Variants in TLL2 observed in about 807,000 individuals in gnomAD.
TLL2 encodes the protein tolloid like 2, also known as tolloid-like protein 2.
TLL2 carries 106 observed loss-of-function variants against 123.0 expected under a neutral mutation model. That is an observed-to-expected ratio of 0.86 (90% CI 0.74 to 1.01). TLL2 has a LOEUF of 1.01. Ranked by LOEUF, TLL2 falls within the 50% of genes least tolerant of loss-of-function variation. The pLI, the probability that TLL2 is intolerant of heterozygous loss-of-function variation, is 0.00. For synonymous variants in TLL2, 494 were observed against 516.8 expected (o/e 0.96, Z 0.60); for missense variants, 1,332 against 1,336.7 (o/e 1.00, Z 0.06).
At chr10:96,397,852 C>T (rs1846356635) in intron 10 of TLL2, among the ~76,000 whole-genome samples, 1 of 152,156 alleles carries the variant, frequency 6.6e-6, no homozygotes, top group African/African-American at 2.4e-5. Context: ...TAGGAGGGTT[C>T]CTAGGATGGA....
chr10:96,401,776 C>G (rs552306705), intron 10 of TLL2, among the ~76,000 whole-genome samples: 2 of 152,350 alleles, frequency 1.3e-5, no homozygotes, highest in Admixed American at 6.5e-5. Context: ...CTCTGGGGAA[C>G]TTCAGTAACA....
intron 1 of TLL2, among the ~76,000 whole-genome samples, chr10:96,489,693 T>G (rs980231027): frequency 3.3e-5 from 5 of 152,258 alleles, no homozygotes; most frequent in African/African-American, 1.2e-4. Context: ...AATTGCCACA[T>G]GTGGCTAGCT....
chr10:96,485,833 T>C (rs891994575), intron 1 of TLL2, among the ~76,000 whole-genome samples: 1 of 152,192 alleles, frequency 6.6e-6, no homozygotes, highest in African/African-American at 2.4e-5. Context: ...GGTTTCCCAC[T>C]TCCCTGAAGA....
At chr10:96,476,274 G>A (rs1463658545) in intron 2 of TLL2, among the ~76,000 whole-genome samples, 8 of 78,802 alleles carry the variant, frequency 1.0e-4, no homozygotes, top group Middle Eastern at 6.3e-3. Context: ...TTGTTGAGAC[G>A]GAGTCTCACT....
intron 1 of TLL2, among the ~76,000 whole-genome samples, chr10:96,481,293 T>C (rs1847309701): frequency 6.6e-6 from 1 of 152,068 alleles, no homozygotes; most frequent in Admixed American, 6.5e-5. Flanking sequence ...ACTCCAGGCA[T>C]GTGACACCAC....
intron 2 of TLL2, among the ~76,000 whole-genome samples, chr10:96,452,744 G>A (rs537451136): frequency 9.3e-4 from 142 of 152,304 alleles, no homozygotes; most frequent in African/African-American, 3.3e-3. Context: ...AAGCATCCCG[G>A]GGAAGGGCAA....
intron 1 of TLL2, among the ~76,000 whole-genome samples, chr10:96,502,161 G>A (rs1847539873): frequency 6.6e-6 from 1 of 152,120 alleles, no homozygotes. Flanking sequence ...ACATTTCCAG[G>A]CAGGAAGAAG....
At chr10:96,397,069 C>A in intron 11 of TLL2, 117 bp downstream of exon 11, 1 of 872,100 alleles carries the variant, frequency 1.1e-6, no homozygotes, top group Admixed American at 2.6e-5. Context: ...GTGGTGGCTG[C>A]CCCCACCCCT....
rs756485850 is a variant in TLL2 at position 96,395,315 on chromosome 10, G to A, written c.1598C>T (p.Ala533Val). ...ATAGCCACAAAAGTGGCCGATCAGG[G>A]CACTCTCTTCCGTGGGGCCATCCCG... ...EVRDGPTEES[A>V]LIGHFCGYEK... The change falls in exon 13 of 21, where the codon GCC becomes GTC. Residue 533 changes from alanine (A) to valine (V), a missense_variant. Coordinates refer to ENST00000357947, the MANE Select transcript of TLL2 (RefSeq NM_012465.4). 6.2e-7 allele frequency: 1 copy of A among 1,613,904 alleles called. No individual in the cohort carries two copies. The highest frequency in any genetic ancestry group is 1.1e-5 in the South Asian group (1 of 91,016).
At chr10:96,445,063 C>G (rs1846884979) in intron 3 of TLL2, among the ~76,000 whole-genome samples, 1 of 152,162 alleles carries the variant, frequency 6.6e-6, no homozygotes, top group Non-Finnish European at 1.5e-5. Flanking sequence ...GTGGCGGGCG[C>G]CTGTAGTCCC....
chr10:96,450,494 G>C (rs1846947402), intron 2 of TLL2, among the ~76,000 whole-genome samples: 1 of 152,170 alleles, frequency 6.6e-6, no homozygotes, highest in Admixed American at 6.5e-5. Context: ...CCAAGGTTTA[G>C]ATTTGCCACT....
rs141996541 is a variant in TLL2, at chr10:96,513,557, C to T, written c.129G>A (p.Glu43=). 1.1e-5 allele frequency: 18 copies of T among 1,611,988 alleles called. No homozygotes were observed. The African/African-American group carries it at 2.3e-4, about 20-fold the overall frequency. Residue 43 remains glutamate (E), a synonymous_variant, in exon 1 of 21, where the codon GAG becomes GAA. Transcript: ENST00000357947. Reference sequence around the variant, plus strand: ...AATGCTCCAGCTGCTGCTCCGTGCCCTCCTCGCCGTCCAGCTCTGAGTAGT... The same window carrying T: ...AATGCTCCAGCTGCTGCTCCGTGCCTTCCTCGCCGTCCAGCTCTGAGTAGT... ...TADYSELDGE[E]GTEQQLEHYH...
At chr10:96,398,213 A>T (rs1302373062) in intron 10 of TLL2, among the ~76,000 whole-genome samples, 1 of 152,186 alleles carries the variant, frequency 6.6e-6, no homozygotes, top group Non-Finnish European at 1.5e-5. Flanking sequence ...GGGGAGCCAT[A>T]GAATGTCTCC....
intron 16 of TLL2, among the ~76,000 whole-genome samples, chr10:96,383,882 C>T (rs1040579382): frequency 1.1e-4 from 17 of 151,756 alleles, no homozygotes; most frequent in Admixed American, 3.9e-4. Context: ...CTGCCCGCCT[C>T]GGCCTCCCAA....
intron 3 of TLL2, among the ~76,000 whole-genome samples, chr10:96,433,550 C>A (rs577461170): frequency 1.1e-4 from 16 of 152,164 alleles, no homozygotes; most frequent in Admixed American, 4.6e-4. Flanking sequence ...ACGCGTTGGG[C>A]CTCCCACAAT....
chr10:96,365,774 C>T lies in TLL2; in HGVS notation c.*2314G>A, dbSNP rs1477353070. On this transcript the variant is annotated 3_prime_UTR_variant, in exon 21 of 21. Coordinates refer to ENST00000357947, the MANE Select transcript of TLL2 (RefSeq NM_012465.4). ...TCCAGAGGAGCGGCCCAGCTAGCCC[C>T]AGCTGAATCAGAGCTTCTCTTTTCT... 1.3e-5 allele frequency: 2 copies of T among 152,232 alleles called. No homozygotes were observed. Among genetic ancestry groups the T allele is most frequent in the Non-Finnish European group, 2.9e-5 (2 of 68,052 alleles). The allele number at this position is 152,232 out of a possible 1,614,324, so 9.4% of individuals were successfully genotyped here.
intron 1 of TLL2, among the ~76,000 whole-genome samples, chr10:96,508,942 G>A (rs1414859267): frequency 1.3e-5 from 2 of 152,102 alleles, no homozygotes; most frequent in South Asian, 2.1e-4. Flanking sequence ...GCTTGTGGCC[G>A]TGATGGAAGT....
chr10:96,402,945 G>A (rs3789949), intron 10 of TLL2, among the ~76,000 whole-genome samples: 50,686 of 151,952 alleles, frequency 0.33, 9,321 homozygotes, highest in Non-Finnish European at 0.42. Context: ...CCAACCACCC[G>A]ATACCAGCTC....
At chr10:96,480,284 TC>T in intron 2 of TLL2, 64 bp downstream of exon 2, 4 of 1,366,690 alleles carry the variant, frequency 2.9e-6, no homozygotes, top group Non-Finnish European at 4.2e-6. Context: ...GTGGACCACA[TC>T]TCCCCCTGCT....
Sources: allele counts gnomAD v4.1 joint callset (sites outside exome capture counted in the v4.1 genomes callset), GRCh38; gene constraint gnomAD v4.1.1; transcripts MANE v1.5; gene names NCBI Gene and HGNC (gene_info 2026-07-23, HGNC 2026-07-21).